RARS2: variants seen among roughly 807,000 people sequenced by gnomAD.
The protein encoded by RARS2 is probable arginine--tRNA ligase, mitochondrial.
RARS2 carries 67 observed loss-of-function variants against 88.5 expected under a neutral mutation model. That is an observed-to-expected ratio of 0.76 (90% CI 0.62 to 0.93). The LOEUF is 0.93. Among genes scored for constraint, RARS2 ranks in the 40% least tolerant of loss-of-function variants. The pLI, the probability that RARS2 is intolerant of heterozygous loss-of-function variation, is 0.00. For synonymous variants in RARS2, 239 were observed against 230.3 expected, an observed-to-expected ratio of 1.04 and a Z score of -0.34; for missense variants, 664 against 684.2, an observed-to-expected ratio of 0.97 and a Z score of 0.33.
intron 8 of RARS2, among the ~76,000 whole-genome samples, chr6:87,540,372 C>T (rs912145424): frequency 7.3e-5 from 11 of 149,802 alleles, no homozygotes; most frequent in African/African-American, 2.7e-4. Flanking sequence ...ACTGCTTCAA[C>T]CCAGGAGGCA....
At chr6:87,536,484 A>C (rs928455533) in intron 8 of RARS2, among the ~76,000 whole-genome samples, 8 of 151,900 alleles carry the variant, frequency 5.3e-5, no homozygotes, top group African/African-American at 1.9e-4. Context: ...AAAATACAAA[A>C]AAATTAGCTG....
intron 1 of RARS2, among the ~76,000 whole-genome samples, chr6:87,582,835 C>G (rs1483657452): frequency 6.6e-6 from 1 of 152,168 alleles, no homozygotes; most frequent in Non-Finnish European, 1.5e-5. Flanking sequence ...GTCAAGAAAG[C>G]CGGTCTTCCT....
At chr6:87,550,709 GAAA>G (rs5878036) in intron 5 of RARS2, among the ~76,000 whole-genome samples, 4 of 71,896 alleles carry the variant, frequency 5.6e-5, no homozygotes, top group African/African-American at 1.6e-4. Flanking sequence ...GCCGATTTAA[GAAA>G]AAAAAAAAAA....
intron 18 of RARS2, among the ~76,000 whole-genome samples, chr6:87,515,317 C>T (rs890963910): frequency 6.6e-6 from 1 of 151,970 alleles, no homozygotes; most frequent in African/African-American, 2.4e-5. Flanking sequence ...GTCAGGAGAT[C>T]GAGACCATCC....
At chr6:87,518,443 A>G (rs1210978835) in intron 16 of RARS2, 179 bp from the exon 17 acceptor site, 13 of 1,391,516 alleles carry the variant, frequency 9.3e-6, no homozygotes, top group Non-Finnish European at 1.2e-5. Context: ...GATAATACAC[A>G]TAAATGTATT....
At chr6:87,529,156 T>C (rs1776664262) in intron 10 of RARS2, among the ~76,000 whole-genome samples, 2 of 152,210 alleles carry the variant, frequency 1.3e-5, no homozygotes. Flanking sequence ...TATAGTATAC[T>C]TATCTTCACA....
chr6:87,579,193 T>C (rs1037150503), intron 1 of RARS2, among the ~76,000 whole-genome samples: 2 of 152,126 alleles, frequency 1.3e-5, no homozygotes, highest in Admixed American at 6.5e-5. Context: ...ATGTTCTTAG[T>C]CACTACACCA....
At chr6:87,572,532 TA>T (rs35412549) in intron 1 of RARS2, among the ~76,000 whole-genome samples, 4,866 of 152,270 alleles carry the variant, frequency 0.032, 104 homozygotes, top group Middle Eastern at 0.054. Flanking sequence ...TTGGCTAAAC[TA>T]AAAGCTACTT....
intron 1 of RARS2, chr6:87,584,813 AC>A: frequency 2.3e-6 from 1 of 432,914 alleles, no homozygotes; most frequent in Non-Finnish European, 4.6e-6. Flanking sequence ...CTACCCCAAG[AC>A]CCAGGGCTTC....
At chr6:87,588,294 TAGA>T (rs374600414) in intron 1 of RARS2, among the ~76,000 whole-genome samples, 300 of 152,402 alleles carry the variant, frequency 2.0e-3, no homozygotes, top group African/African-American at 7.0e-3. Flanking sequence ...TTTACTGTTC[TAGA>T]AGACTTCTGC....
rs145189950 is a variant in RARS2, at chr6:87,524,643, C to G, written c.888G>C (p.Thr296=). The G allele has an allele frequency of 1.1e-3, 1,727 of 1,610,434 alleles. 2 individuals carry two copies. The highest frequency in any genetic ancestry group is 9.5e-4 in the Non-Finnish European group (1,113 of 1,176,942). The change falls in exon 11 of 20, where the codon ACG becomes ACC. Residue 296 remains threonine (T), a synonymous_variant. Coordinates refer to ENST00000369536, the MANE Select transcript of RARS2 (RefSeq NM_020320.5). ...KGLLLKTIKG[T]AVVDLSGNGD... is the part of the protein sequence containing the mutation. ...CATTCCCAGAGAGATCTACTACAGC[C>G]GTTCCTTTTCTAGAAATTCGAAAAG...
Position 87,541,980 on chromosome 6 carries a change from C to T in RARS2, c.550G>A (p.Gly184Ser). 6.2e-7 allele frequency: 1 copy of T among 1,612,884 alleles called. No individual in the cohort carries two copies. Among genetic ancestry groups the T allele is most frequent in the Non-Finnish European group, 8.5e-7 (1 of 1,179,060 alleles). The stretch of plus-strand genomic sequence containing the variant: ...TCCTCATAGCCAAACAGCTGGAAGC[C>T]AGTTCCCAGAAGACCTACCATGATA... ...WGMQFGLLGTGFQLFGYEEKL... is the reference protein window; with the variant it reads ...WGMQFGLLGTSFQLFGYEEKL... Residue 184 changes from glycine to serine, a missense_variant, in exon 8 of 20, where the codon GGC (glycine) becomes AGC (serine). Coordinates refer to ENST00000369536, the MANE Select transcript of RARS2 (RefSeq NM_020320.5).
chr6:87,542,068 A>C, intron 7 of RARS2, 74 bp from the exon 8 acceptor site: 1 of 1,193,630 alleles, frequency 8.4e-7, no homozygotes, highest in African/African-American at 1.5e-5. Context: ...GAATAGGTAT[A>C]ATTCTATAAA....
intron 8 of RARS2, among the ~76,000 whole-genome samples, chr6:87,537,013 G>T (rs1462847894): frequency 3.3e-5 from 5 of 152,178 alleles, no homozygotes; most frequent in Non-Finnish European, 1.5e-5. Context: ...ATGACTGTGG[G>T]TGTTAAATAT....
At chr6:87,514,604 A>G in intron 19 of RARS2, 105 bp from the exon 20 acceptor site, 1 of 1,031,052 alleles carries the variant, frequency 9.7e-7, no homozygotes, top group Non-Finnish European at 1.5e-6. Context: ...AAGCAGGAAC[A>G]ATATGTCAAA....
chr6:87,529,559 TC>T lies in RARS2; in HGVS notation c.860del (p.Gly287AspfsTer4). The T allele has an allele frequency of 6.3e-7, 1 of 1,581,610 alleles. No homozygotes were observed. The highest frequency in any genetic ancestry group is 8.7e-7 in the Non-Finnish European group (1 of 1,150,490). On this transcript the variant is annotated frameshift_variant, in exon 10 of 20. Transcript: ENST00000369536. LOFTEE classifies it high-confidence loss of function. The stretch of plus-strand genomic sequence containing the variant: ...GATCATACATTGTTTTCAGTAGGAG[TC>T]CTTTACTCTCCAGCAACTTTAAGAC... ...QEVLKLLESK[G>X]LLLKTIKGTA...
intron 8 of RARS2, among the ~76,000 whole-genome samples, chr6:87,538,796 G>A (rs1373959832): frequency 6.6e-6 from 1 of 152,144 alleles, no homozygotes; most frequent in Non-Finnish European, 1.5e-5. Flanking sequence ...CACTTTGGGA[G>A]TTTGAGGCAG....
intron 1 of RARS2, among the ~76,000 whole-genome samples, chr6:87,579,662 AAG>A (rs369625550): frequency 3.3e-5 from 5 of 150,916 alleles, no homozygotes; most frequent in South Asian, 2.1e-4. Flanking sequence ...ATAAAAAAAA[AAG>A]AGAGAGAGAG....
intron 4 of RARS2, among the ~76,000 whole-genome samples, chr6:87,560,852 C>T (rs1363747458): frequency 6.6e-6 from 1 of 152,206 alleles, no homozygotes; most frequent in Non-Finnish European, 1.5e-5. Context: ...CGTGCCATTG[C>T]ACTCCAGCCT....
Sources: gnomAD v4.1 joint callset for allele counts (sites outside exome capture counted in the v4.1 genomes callset) on GRCh38, gnomAD v4.1.1 for gene constraint, MANE v1.5 for transcripts, NCBI Gene and HGNC (gene_info 2026-07-23, HGNC 2026-07-21) for gene names.